Variants in TBC1D5 observed in about 807,000 individuals in gnomAD.
TBC1D5 encodes the protein TBC1 domain family, member 5.
Under a neutral mutation model 100.3 loss-of-function variants are expected in TBC1D5, and 75 were observed. The observed-to-expected ratio is 0.75, with a 90% confidence interval of 0.62 to 0.91. TBC1D5 has a LOEUF of 0.91. Ranked by LOEUF, TBC1D5 falls within the 40% of genes least tolerant of loss-of-function variation. The probability of loss-of-function intolerance (pLI) is 0.00; values close to 1 mark genes in which losing one functional copy is unlikely to be tolerated. For synonymous variants in TBC1D5, 323 were observed against 325.6 expected (o/e 0.99, Z 0.09); for missense variants, 910 against 942.4 (o/e 0.97, Z 0.45).
chr3:17,384,145 A>C, intron 8 of TBC1D5, 130 bp from the exon 9 acceptor site: 1 of 693,452 alleles, frequency 1.4e-6, no homozygotes, highest in Non-Finnish European at 2.4e-6. Flanking sequence ...CATGTAACTT[A>C]TGCCTTTAGT....
intron 3 of TBC1D5, among the ~76,000 whole-genome samples, chr3:17,466,223 G>A (rs948968022): frequency 2.6e-5 from 4 of 152,200 alleles, no homozygotes; most frequent in African/African-American, 9.7e-5. Context: ...ATTTTGGTAT[G>A]TCATGATGAA....
intron 2 of TBC1D5, among the ~76,000 whole-genome samples, chr3:17,607,664 C>A (rs547070781): frequency 4.5e-4 from 68 of 151,868 alleles, no homozygotes; most frequent in African/African-American, 1.5e-3. Context: ...CCCGCCAATA[C>A]CCCCCAAAAA....
intron 2 of TBC1D5, among the ~76,000 whole-genome samples, chr3:17,601,411 T>G (rs1440796108): frequency 6.6e-6 from 1 of 152,202 alleles, no homozygotes; most frequent in Admixed American, 6.5e-5. Flanking sequence ...CTCCAGAGGC[T>G]GAGGCAGGAG....
At chr3:17,310,238 A>G (rs1444373859) in intron 13 of TBC1D5, among the ~76,000 whole-genome samples, 2 of 151,908 alleles carry the variant, frequency 1.3e-5, no homozygotes, top group Non-Finnish European at 2.9e-5. Flanking sequence ...AGCAGTCAGG[A>G]AGGTTAACTG....
At chr3:17,717,458 T>G (rs2075334649) in intron 1 of TBC1D5, among the ~76,000 whole-genome samples, 1 of 152,210 alleles carries the variant, frequency 6.6e-6, no homozygotes, top group African/African-American at 2.4e-5. Context: ...AGTTCATTAG[T>G]AATTACCAAT....
At chr3:17,630,990 G>T (rs1327039999) in intron 1 of TBC1D5, among the ~76,000 whole-genome samples, 3 of 144,080 alleles carry the variant, frequency 2.1e-5, no homozygotes, top group Non-Finnish European at 4.5e-5. Context: ...GTTGCAGTGA[G>T]CCGAGATGGC....
At chr3:17,715,091 T>G (rs1344098544) in intron 1 of TBC1D5, among the ~76,000 whole-genome samples, 3 of 152,210 alleles carry the variant, frequency 2.0e-5, no homozygotes, top group African/African-American at 7.2e-5. Flanking sequence ...GTAAAGTAGA[T>G]CTTATTCAGA....
intron 15 of TBC1D5, among the ~76,000 whole-genome samples, chr3:17,276,763 C>G (rs1415856279): frequency 9.9e-5 from 15 of 152,192 alleles, no homozygotes; most frequent in Non-Finnish European, 1.5e-5. Context: ...CATGGCTCTA[C>G]TATGTTTTCT....
chr3:17,299,487 A>G (rs952901544), intron 14 of TBC1D5, among the ~76,000 whole-genome samples: 1 of 152,230 alleles, frequency 6.6e-6, no homozygotes, highest in Non-Finnish European at 1.5e-5. Flanking sequence ...GTCCAAACAC[A>G]CAAGAGTGAA....
intron 2 of TBC1D5, among the ~76,000 whole-genome samples, chr3:17,603,450 T>C (rs2061128624): frequency 6.6e-6 from 1 of 152,102 alleles, no homozygotes; most frequent in Non-Finnish European, 1.5e-5. Flanking sequence ...CTCTCACCAG[T>C]GCCATGACAG....
At chr3:17,640,310 T>G (rs1005013776) in intron 1 of TBC1D5, among the ~76,000 whole-genome samples, 1 of 152,192 alleles carries the variant, frequency 6.6e-6, no homozygotes, top group African/African-American at 2.4e-5. Context: ...TTAGCTTATC[T>G]GAATTAAAAC....
At chr3:17,480,838 CCT>C (rs1347616511) in intron 3 of TBC1D5, among the ~76,000 whole-genome samples, 5 of 152,222 alleles carry the variant, frequency 3.3e-5, no homozygotes, top group African/African-American at 4.8e-5. Context: ...CACTGAAGCT[CCT>C]CTCTGCCTTG....
intron 1 of TBC1D5, among the ~76,000 whole-genome samples, chr3:17,729,016 T>TAAAAAAAA (rs34461809): frequency 3.4e-5 from 1 of 29,602 alleles, no homozygotes; most frequent in Non-Finnish European, 6.8e-5. Flanking sequence ...TGAAAATCAG[T>TAAAAAAAA]AAAAAAAAAA....
intron 2 of TBC1D5, among the ~76,000 whole-genome samples, chr3:17,606,752 A>G (rs932138287): frequency 2.6e-5 from 4 of 152,164 alleles, no homozygotes; most frequent in Admixed American, 2.6e-4. Flanking sequence ...ATCAAATTAT[A>G]CACTTTGACA....
At chr3:17,507,861 A>C (rs1178185207) in intron 3 of TBC1D5, among the ~76,000 whole-genome samples, 1 of 152,182 alleles carries the variant, frequency 6.6e-6, no homozygotes, top group African/African-American at 2.4e-5. Context: ...TACTATCATT[A>C]AGTAAATACT....
At chr3:17,672,483 A>G (rs1233213475) in intron 1 of TBC1D5, 1 of 152,224 alleles carries the variant, frequency 6.6e-6, no homozygotes, top group Non-Finnish European at 1.5e-5. Flanking sequence ...TCCAAATAGC[A>G]CAGGTCCTAG....
chr3:17,508,798 A>T (rs2095870888), intron 2 of TBC1D5, among the ~76,000 whole-genome samples, 193 bp from the exon 3 acceptor site: 1 of 152,106 alleles, frequency 6.6e-6, no homozygotes. Context: ...CCATTTCAAA[A>T]ATTTCTCAAA....
chr3:17,231,505 CTA>C (rs1431235786), intron 17 of TBC1D5, among the ~76,000 whole-genome samples: 1 of 151,956 alleles, frequency 6.6e-6, no homozygotes, highest in East Asian at 1.9e-4. Context: ...TAAAAAAAGA[CTA>C]TCTATAATCA....
intron 3 of TBC1D5, among the ~76,000 whole-genome samples, chr3:17,489,493 CCCAAGCCT>C (rs2150503635): frequency 1.3e-5 from 2 of 152,246 alleles, no homozygotes; most frequent in East Asian, 3.9e-4. Flanking sequence ...TGTCACTACC[CCCAAGCCT>C]CCACAAGTGT....
Sources: allele counts gnomAD v4.1 joint callset (sites outside exome capture counted in the v4.1 genomes callset), GRCh38; gene constraint gnomAD v4.1.1; transcripts MANE v1.5; gene names NCBI Gene and HGNC (gene_info 2026-07-23, HGNC 2026-07-21).